The following MAP9 variants were observed in gnomAD, a reference collection of about 807,000 sequenced individuals.
MAP9 encodes microtubule associated protein 9, also known as microtubule-associated protein 9.
MAP9 carries 80 observed loss-of-function variants against 75.2 expected under a neutral mutation model. That is an observed-to-expected ratio of 1.06 (90% CI 0.89 to 1.28). The LOEUF is 1.28. MAP9 is among the 50% of genes most tolerant of loss of function. The pLI, the probability that MAP9 is intolerant of heterozygous loss-of-function variation, is 0.00. For missense variants in MAP9, 753 were observed against 719.9 expected (o/e 1.05, Z -0.53); for synonymous variants, 235 against 237.3 (o/e 0.99, Z 0.09).
At position 155,374,350 on chromosome 4, in the gene MAP9, C is replaced by CAA. The variant is rs1553968344; in HGVS notation, c.160+585_160+586dup. Among the ~76,000 whole-genome samples the CAA allele has an allele frequency of 8.6e-5, 11 of 128,552 alleles. No homozygotes were observed. The South Asian group carries it at 1.2e-3, about 14-fold the overall frequency. 84.3% of individuals were successfully genotyped at this position (128,552 alleles called of 152,430 possible). A position where few individuals can be genotyped will look rare whatever the true frequency, so the allele number is the denominator to read the frequency against. Reference sequence around the variant, plus strand: ...CGAGACTCCATCTCAAAAACAAAAACAAACAAACAAAAACACCAAGTTTAG... The same window carrying CAA: ...CGAGACTCCATCTCAAAAACAAAAACAAAAACAAACAAAAACACCAAGTTTAG... On this transcript the variant is annotated intron_variant, in intron 3 of 13. Coordinates refer to ENST00000311277, the MANE Select transcript of MAP9 (RefSeq NM_001039580.2).
In MAP9 at chr4:155,346,765, C is replaced by T. The variant is rs970808816; in HGVS notation, c.*1018G>A. 1 of 152,522 alleles carries T rather than the reference C, an allele frequency of 6.6e-6. No homozygotes were observed. Among genetic ancestry groups the T allele is most frequent in the African/African-American group, 2.4e-5 (1 of 41,424 alleles). 9.4% of individuals were successfully genotyped at this position (152,522 alleles called of 1,614,324 possible). A position where few individuals can be genotyped will look rare whatever the true frequency, so the allele number is the denominator to read the frequency against. ...ACAACTGACTAATGCATTTCAGCTC[C>T]GTGAGCATACACTTGGTCTGTCTTA... On this transcript the variant is annotated 3_prime_UTR_variant, in exon 14 of 14. Coordinates refer to ENST00000311277, the MANE Select transcript of MAP9 (RefSeq NM_001039580.2).
chr4:155,356,190 C>A (rs766219639), intron 8 of MAP9, among the ~76,000 whole-genome samples: 3 of 151,988 alleles, frequency 2.0e-5, no homozygotes, highest in African/African-American at 4.8e-5. Flanking sequence ...TAGCTTGAGC[C>A]CAGGAGGCAG....
At chr4:155,355,636 G>T (rs6857158) in intron 9 of MAP9, 80 bp downstream of exon 9, 578,020 of 1,042,438 alleles carry the variant, frequency 0.55, 164,799 homozygotes, top group East Asian at 0.81. Context: ...TTTCTATCAG[G>T]ATTACTTTAT....
intron 4 of MAP9, 24 bp from the exon 5 acceptor site, chr4:155,368,836 G>A: frequency 6.4e-7 from 1 of 1,568,624 alleles, no homozygotes; most frequent in Non-Finnish European, 8.7e-7. Flanking sequence ...TGCTTAAAGT[G>A]TGTGTATAAA....
In MAP9 at chr4:155,343,976, ATGGGTTTAAATACCTTTTTATATAGCAC is replaced by A. The variant is rs1731199054; in HGVS notation, c.*3779_*3806del. ...CTTTCTTTTATGTAAAAGGAAGCAT[ATGGGTTTAAATACCTTTTTATATAGCAC>A]TATCAAAATCGGAGTCAAGATTAAA... On this transcript the variant is annotated 3_prime_UTR_variant, in exon 14 of 14. Coordinates refer to ENST00000311277, the MANE Select transcript of MAP9 (RefSeq NM_001039580.2). 6.6e-6 allele frequency: 1 copy of A among 151,992 alleles called. No individual in the cohort carries two copies. The highest frequency in any genetic ancestry group is 2.4e-5 in the African/African-American group (1 of 41,446). The allele number at this position is 151,992 out of a possible 1,614,324, so 9.4% of individuals were successfully genotyped here. A position where few individuals can be genotyped will look rare whatever the true frequency, so the allele number is the denominator to read the frequency against.
intron 13 of MAP9, among the ~76,000 whole-genome samples, chr4:155,348,769 A>G (rs1306413297): frequency 6.6e-6 from 1 of 152,152 alleles, no homozygotes; most frequent in Non-Finnish European, 1.5e-5. Context: ...ACTTTCCTAT[A>G]ATAAATATTA....
At chr4:155,370,724 T>C (rs1732556859) in intron 4 of MAP9, among the ~76,000 whole-genome samples, 1 of 152,208 alleles carries the variant, frequency 6.6e-6, no homozygotes, top group South Asian at 2.1e-4. Context: ...ACAGTACTGT[T>C]AACTATAGGC....
At chr4:155,369,126 G>T (rs1732472304) in intron 4 of MAP9, among the ~76,000 whole-genome samples, 1 of 152,030 alleles carries the variant, frequency 6.6e-6, no homozygotes, top group Non-Finnish European at 1.5e-5. Flanking sequence ...TTCGAGACCA[G>T]CCTGGCTAAC....
chr4:155,361,976 T>C (rs1732101385), intron 6 of MAP9, 72 bp downstream of exon 6: 5 of 883,308 alleles, frequency 5.7e-6, no homozygotes, highest in Non-Finnish European at 7.2e-6. Context: ...TACAAAGTAT[T>C]ATTTCTCTTA....
In MAP9 at chr4:155,343,390, A is replaced by G. The variant is rs1177335857; in HGVS notation, c.*4393T>C. On this transcript the variant is annotated 3_prime_UTR_variant, in exon 14 of 14. Coordinates refer to ENST00000311277, the MANE Select transcript of MAP9 (RefSeq NM_001039580.2). ...AAGAGTACAAAATAATATGTTAGTTATAACTATCTTCAGGAGATGAGAACT... is the reference window on the plus strand; with the variant it reads ...AAGAGTACAAAATAATATGTTAGTTGTAACTATCTTCAGGAGATGAGAACT... The G allele has an allele frequency of 6.6e-6, 1 of 151,682 alleles. No individual in the cohort carries two copies. Among genetic ancestry groups the G allele is most frequent in the African/African-American group, 2.4e-5 (1 of 41,402 alleles). The allele number at this position is 151,682 out of a possible 1,614,324, so 9.4% of individuals were successfully genotyped here.
At chr4:155,362,006 T>C in intron 6 of MAP9, 42 bp downstream of exon 6, 1 of 1,137,598 alleles carries the variant, frequency 8.8e-7, no homozygotes, top group Non-Finnish European at 1.3e-6. Flanking sequence ...GTCTAAGTAG[T>C]ACAGAGTTCA....
rs187054827 is a variant in MAP9, at chr4:155,373,388, G to A, written c.229C>T (p.His77Tyr). The change falls in exon 4 of 14, where the codon CAT (histidine) becomes TAT (tyrosine). Residue 77 changes from histidine (H) to tyrosine (Y), a missense_variant. Coordinates refer to ENST00000311277, the MANE Select transcript of MAP9 (RefSeq NM_001039580.2). ...TTCTTTTCTTCATCATCTGATATATGAAAGTCATTCATTTTTTTATTAACT... is the reference window on the plus strand; with the variant it reads ...TTCTTTTCTTCATCATCTGATATATAAAAGTCATTCATTTTTTTATTAACT... Reference protein sequence around the residue: ...NSVNKKMNDFHISDDEEKNPS... With the variant: ...NSVNKKMNDFYISDDEEKNPS... 1 of 1,605,000 alleles carries A rather than the reference G, an allele frequency of 6.2e-7. No homozygotes were observed. The highest frequency in any genetic ancestry group is 8.5e-7 in the Non-Finnish European group (1 of 1,176,074).
intron 2 of MAP9, 89 bp downstream of exon 2, chr4:155,375,687 T>C: frequency 1.4e-6 from 1 of 734,268 alleles, no homozygotes; most frequent in East Asian, 2.7e-5. Flanking sequence ...TTACCCCTGC[T>C]TTATATAGGA....
intron 4 of MAP9, among the ~76,000 whole-genome samples, chr4:155,372,085 A>G (rs1387070966): frequency 6.6e-6 from 1 of 152,198 alleles, no homozygotes; most frequent in East Asian, 1.9e-4. Flanking sequence ...CTGAAGTCAT[A>G]TATAATATAC....
chr4:155,355,620 C>A, intron 9 of MAP9, 96 bp downstream of exon 9: 5 of 883,102 alleles, frequency 5.7e-6, no homozygotes, highest in South Asian at 6.2e-5. Context: ...AGTATTAAAC[C>A]ATCATTTTCT....
At chr4:155,363,037 G>C (rs536891638) in intron 5 of MAP9, 1 of 152,182 alleles carries the variant, frequency 6.6e-6, no homozygotes, top group South Asian at 2.1e-4. Flanking sequence ...AGGGAACAGG[G>C]GACTGAGTCT....
At chr4:155,356,432 G>A (rs1476045739) in intron 8 of MAP9, among the ~76,000 whole-genome samples, 1 of 151,936 alleles carries the variant, frequency 6.6e-6, no homozygotes, top group East Asian at 1.9e-4. Context: ...ATAACTTTAA[G>A]TTATATAGCT....
At chr4:155,363,967 A>G (rs554164473) in intron 5 of MAP9, among the ~76,000 whole-genome samples, 38 of 152,246 alleles carry the variant, frequency 2.5e-4, no homozygotes, top group African/African-American at 8.7e-4. Flanking sequence ...CACAGACAGT[A>G]TCAGCTTATA....
chr4:155,369,953 A>G (rs1057088348), intron 4 of MAP9, among the ~76,000 whole-genome samples: 4 of 152,274 alleles, frequency 2.6e-5, no homozygotes, highest in Admixed American at 2.0e-4. Context: ...CTACAAATGC[A>G]TTTTTCTCAA....
Sources: gnomAD v4.1 joint callset for allele counts (sites outside exome capture counted in the v4.1 genomes callset) on GRCh38, gnomAD v4.1.1 for gene constraint, MANE v1.5 for transcripts, NCBI Gene and HGNC (gene_info 2026-07-23, HGNC 2026-07-21) for gene names.